The following XKRX variants were observed in gnomAD, a reference collection of about 807,000 sequenced individuals.
XKRX encodes the protein XK related X-linked.
XKRX carries 11 observed loss-of-function variants against 22.4 expected under a neutral mutation model. The ratio of observed to expected loss-of-function variants is 0.49; its 90% confidence interval spans 0.31 to 0.81. The LOEUF (loss-of-function observed/expected upper bound fraction) is 0.81, where lower values mean the gene tolerates loss of function less well. XKRX is among the 40% of genes least tolerant of loss of function. The probability of loss-of-function intolerance (pLI) is 0.05; values close to 1 mark genes in which losing one functional copy is unlikely to be tolerated. For synonymous variants in XKRX, 114 were observed against 132.2 expected (o/e 0.86, Z 0.94); for missense variants, 320 against 336.5 (o/e 0.95, Z 0.38).
intron 2 of XKRX, among the ~76,000 whole-genome samples, chrX:100,915,699 T>C (rs1484178794): frequency 1.9e-5 from 2 of 103,296 alleles, no homozygotes; most frequent in East Asian, 3.0e-4. Context: ...TGTGTGTGTG[T>C]GTGTGTGTGC....
At chrX:100,953,014 C>T in the XKRX span, among the ~76,000 whole-genome samples, 3 of 112,355 alleles carry the variant, frequency 2.7e-5, no homozygotes, top group Admixed American at 9.5e-5. Flanking sequence ...TGAAAATGGA[C>T]GACAGGGCTG....
the XKRX span, chrX:100,887,754 A>G: frequency 1.3e-6 from 1 of 792,124 alleles, no homozygotes; most frequent in Non-Finnish European, 1.9e-6. Context: ...CTTCTGCCCC[A>G]AAGTTTCCTC....
At chrX:100,955,372 T>C in the XKRX span, among the ~76,000 whole-genome samples, 1 of 112,050 alleles carries the variant, frequency 8.9e-6, no homozygotes, top group Non-Finnish European at 1.9e-5. Context: ...GAATCTATAA[T>C]TATTTGAAAA....
the XKRX span, among the ~76,000 whole-genome samples, chrX:100,939,420 G>T: frequency 1.8e-5 from 2 of 112,094 alleles, no homozygotes; most frequent in African/African-American, 3.2e-5. Flanking sequence ...TGGCTCAGAA[G>T]TGTGTAGGTA....
chrX:100,943,421 G>A, the XKRX span, among the ~76,000 whole-genome samples: 2 of 111,224 alleles, frequency 1.8e-5, no homozygotes, highest in African/African-American at 6.5e-5. Context: ...TGTTTTGTTT[G>A]AGATGGAGTT....
the XKRX span, among the ~76,000 whole-genome samples, chrX:100,946,327 A>G: frequency 2.7e-5 from 3 of 112,287 alleles, no homozygotes; most frequent in African/African-American, 9.7e-5. Flanking sequence ...ATTATCTGAA[A>G]GCACTGCAAG....
the XKRX span, among the ~76,000 whole-genome samples, chrX:100,936,928 C>A: frequency 9.2e-6 from 1 of 109,191 alleles, no homozygotes; most frequent in African/African-American, 3.3e-5. Flanking sequence ...GACACAGAGC[C>A]AAACCATGTC....
At chrX:100,931,859 CTCATTCAGCCA>C (rs1360744111), upstream of XKRX, among the ~76,000 whole-genome samples, 24 of 111,137 alleles carry the variant, frequency 2.2e-4, no homozygotes, top group Non-Finnish European at 4.1e-4. Flanking sequence ...TGAGCACTGT[CTCATTCAGCCA>C]TCAGCTCACA....
At chrX:100,953,104 G>C in the XKRX span, among the ~76,000 whole-genome samples, 1 of 111,523 alleles carries the variant, frequency 9.0e-6, no homozygotes, top group East Asian at 2.8e-4. Context: ...GGGCAACATC[G>C]TGAGATCCTG....
chrX:100,893,276 T>G, the XKRX span, among the ~76,000 whole-genome samples: 1 of 111,719 alleles, frequency 9.0e-6, no homozygotes, highest in African/African-American at 3.3e-5. Flanking sequence ...TAGTAAATAA[T>G]AATGTATTAT....
chrX:100,944,176 C>T, the XKRX span, among the ~76,000 whole-genome samples: 1 of 111,575 alleles, frequency 9.0e-6, no homozygotes, highest in Admixed American at 9.5e-5. Flanking sequence ...GTTTGAATTT[C>T]CCTCATTACC....
chrX:100,953,295 A>G, the XKRX span, among the ~76,000 whole-genome samples: 13 of 111,236 alleles, frequency 1.2e-4, no homozygotes, highest in African/African-American at 3.6e-4. Context: ...CTAAAAAAAC[A>G]AAAACAAAAC....
chrX:100,915,895 T>C (rs903948867), intron 2 of XKRX, among the ~76,000 whole-genome samples: 2 of 109,951 alleles, frequency 1.8e-5, no homozygotes, highest in Non-Finnish European at 3.8e-5. Context: ...AGCAACAGAG[T>C]AGAATGGGTG....
At chrX:100,893,055 A>G in the XKRX span, among the ~76,000 whole-genome samples, 1 of 112,473 alleles carries the variant, frequency 8.9e-6, no homozygotes, top group Non-Finnish European at 1.9e-5. Flanking sequence ...AGGATATTAC[A>G]CTAAGTGAAA....
At chrX:100,936,540 C>CAAAAAAAAAAAAAAAAAAAAAAAAA in the XKRX span, among the ~76,000 whole-genome samples, 5 of 25,399 alleles carry the variant, frequency 2.0e-4, no homozygotes, top group Non-Finnish European at 2.8e-4. Flanking sequence ...GACTCTGTCT[C>CAAAAAAAAAAAAAAAAAAAAAAAAA]AAAAAAAAAA....
the XKRX span, among the ~76,000 whole-genome samples, chrX:100,897,143 G>A: frequency 3.6e-5 from 4 of 111,082 alleles, no homozygotes; most frequent in South Asian, 7.6e-4. Flanking sequence ...AAGCAAATAA[G>A]TATGAAGTTA....
chrX:100,931,738 T>C (rs2085522410), upstream of XKRX, among the ~76,000 whole-genome samples: 1 of 111,116 alleles, frequency 9.0e-6, no homozygotes, highest in Non-Finnish European at 1.9e-5. Flanking sequence ...ATGGTGATGA[T>C]GATGACGCTT....
At chrX:100,909,521 C>A (rs757795353), downstream of XKRX, among the ~76,000 whole-genome samples, 1 of 112,351 alleles carries the variant, frequency 8.9e-6, no homozygotes, top group South Asian at 3.7e-4. Context: ...CTTGGACAGG[C>A]CTCTTAACCT....
chrX:100,894,722 T>C, the XKRX span, among the ~76,000 whole-genome samples: 2 of 112,085 alleles, frequency 1.8e-5, no homozygotes, highest in South Asian at 7.4e-4. Flanking sequence ...TCCTGCCACC[T>C]CAGCCTCCCA....
Sources: allele counts gnomAD v4.1 joint callset (sites outside exome capture counted in the v4.1 genomes callset), GRCh38; gene constraint gnomAD v4.1.1; transcripts MANE v1.5; gene names NCBI Gene and HGNC (gene_info 2026-07-23, HGNC 2026-07-21).